The following NRG3 variants were observed in gnomAD, a reference collection of about 807,000 sequenced individuals.
NRG3 encodes the protein pro-neuregulin-3, membrane-bound isoform.
In NRG3, 31 loss-of-function variants were observed where a neutral mutation model predicts 66.9. The observed-to-expected ratio is 0.46, with a 90% confidence interval of 0.35 to 0.63. The LOEUF is 0.63. NRG3 is among the 20% of genes least tolerant of loss of function. The pLI is 0.00. For missense variants in NRG3, 910 were observed against 878.9 expected, an observed-to-expected ratio of 1.04 and a Z score of -0.45; for synonymous variants, 393 against 359.4, an observed-to-expected ratio of 1.09 and a Z score of -1.06.
intron 1 of NRG3, among the ~76,000 whole-genome samples, chr10:81,946,310 A>G (rs1447019779): frequency 1.3e-5 from 2 of 152,146 alleles, no homozygotes; most frequent in Admixed American, 6.5e-5. Flanking sequence ...CGCCCAGCCA[A>G]TACCTTGATC....
intron 1 of NRG3, among the ~76,000 whole-genome samples, chr10:82,286,459 C>T (rs971435416): frequency 1.3e-5 from 2 of 152,206 alleles, no homozygotes; most frequent in Admixed American, 6.5e-5. Context: ...GAGGAAAATT[C>T]ACACAGATAA....
intron 1 of NRG3, among the ~76,000 whole-genome samples, chr10:81,951,482 A>G (rs1023604792): frequency 3.3e-5 from 5 of 152,160 alleles, no homozygotes; most frequent in South Asian, 2.1e-4. Context: ...GCTTATACAC[A>G]CACACAGAAT....
At chr10:81,877,586 A>G in intron 1 of NRG3, 1 of 711,630 alleles carries the variant, frequency 1.4e-6, no homozygotes, top group South Asian at 5.2e-5. Flanking sequence ...TTTTTAAAGA[A>G]TGTAGTGTAT....
At chr10:82,787,036 A>G (rs2060396882) in intron 3 of NRG3, among the ~76,000 whole-genome samples, 1 of 152,148 alleles carries the variant, frequency 6.6e-6, no homozygotes, top group Non-Finnish European at 1.5e-5. Context: ...CCCAGTCTCA[A>G]ATTTTCTGTT....
chr10:82,278,817 G>A (rs1241331273), intron 1 of NRG3, among the ~76,000 whole-genome samples: 2 of 152,024 alleles, frequency 1.3e-5, no homozygotes, highest in Admixed American at 1.3e-4. Flanking sequence ...ATTAGAAGTC[G>A]TGGCCACCTC....
chr10:82,717,840 T>C (rs111751839), intron 2 of NRG3, among the ~76,000 whole-genome samples: 14 of 151,068 alleles, frequency 9.3e-5, no homozygotes, highest in Non-Finnish European at 1.5e-5. Flanking sequence ...TGTATGGTTC[T>C]ATTGAAAAGT....
In NRG3 at chr10:82,082,947, CT is replaced by C. The variant is rs201537113; in HGVS notation, c.823+206795del. On this transcript the variant is annotated intron_variant, in intron 1 of 8. Coordinates refer to ENST00000372141, the MANE Select transcript of NRG3 (RefSeq NM_001010848.4). ...TGATTACTTTATTGATTATGACATT[CT>C]TTTTTTTTTTCAGACGGGGTCTTGC... Among the ~76,000 whole-genome samples the C allele has an allele frequency of 1.8e-3, 259 of 146,918 alleles. 1 individual carries two copies. Among genetic ancestry groups the C allele is most frequent in the African/African-American group, 5.2e-3 (211 of 40,276 alleles).
chr10:82,960,380 T>G (rs1400725787), intron 6 of NRG3, among the ~76,000 whole-genome samples: 4 of 152,112 alleles, frequency 2.6e-5, no homozygotes, highest in African/African-American at 9.7e-5. Flanking sequence ...CAGACACTAG[T>G]TAAAGTGATG....
intron 3 of NRG3, among the ~76,000 whole-genome samples, chr10:82,802,842 G>A (rs1440094854): frequency 1.3e-5 from 2 of 151,832 alleles, no homozygotes; most frequent in African/African-American, 4.8e-5. Flanking sequence ...GATTATTTTT[G>A]TTTTGTTTTT....
chr10:81,918,398 A>G (rs1003229061), intron 1 of NRG3, among the ~76,000 whole-genome samples: 1 of 152,208 alleles, frequency 6.6e-6, no homozygotes, highest in Non-Finnish European at 1.5e-5. Flanking sequence ...TGGGCAGAGT[A>G]AACACAAGTA....
chr10:82,571,335 G>A (rs759987484), intron 2 of NRG3, among the ~76,000 whole-genome samples: 19 of 151,418 alleles, frequency 1.3e-4, no homozygotes, highest in Non-Finnish European at 2.1e-4. Flanking sequence ...GTTTTCCCTC[G>A]CATTTAAAGA....
chr10:82,788,708 A>G (rs1020477502), intron 3 of NRG3, among the ~76,000 whole-genome samples: 13 of 152,202 alleles, frequency 8.5e-5, no homozygotes, highest in Non-Finnish European at 1.3e-4. Flanking sequence ...TATTTTATTT[A>G]ACCCTCACTG....
intron 3 of NRG3, among the ~76,000 whole-genome samples, chr10:82,752,832 C>G (rs2058927029): frequency 6.6e-6 from 1 of 152,146 alleles, no homozygotes. Context: ...GCACTTTGAT[C>G]TTGGACTTCC....
At chr10:82,690,829 GT>G (rs1397805800) in intron 2 of NRG3, among the ~76,000 whole-genome samples, 4 of 151,906 alleles carry the variant, frequency 2.6e-5, no homozygotes, top group Non-Finnish European at 5.9e-5. Context: ...GTTTCTATTG[GT>G]TTCTTCAGTT....
chr10:82,223,684 T>C lies in NRG3; in HGVS notation c.824-135055T>C, dbSNP rs1414768. Among the ~76,000 whole-genome samples, 497 of 82,876 alleles carry C rather than the reference T, an allele frequency of 6.0e-3. 1 individual carries two copies. Among genetic ancestry groups the C allele is most frequent in the South Asian group, 0.015 (32 of 2,106 alleles). The allele number at this position is 82,876 out of a possible 152,430, so 54.4% of individuals were successfully genotyped here. A position where few individuals can be genotyped will look rare whatever the true frequency, so the allele number is the denominator to read the frequency against. On this transcript the variant is annotated intron_variant, in intron 1 of 8. Transcript: ENST00000372141. ...ACACACACACACACACACACACACATACACACCACCCACGTTCTTCTGGAT... is the reference window on the plus strand; with the variant it reads ...ACACACACACACACACACACACACACACACACCACCCACGTTCTTCTGGAT...
At chr10:81,941,101 C>T (rs754219161) in intron 1 of NRG3, among the ~76,000 whole-genome samples, 6 of 152,054 alleles carry the variant, frequency 3.9e-5, no homozygotes, top group Non-Finnish European at 7.4e-5. Context: ...ATATACAATG[C>T]CAAATTACTT....
chr10:82,187,646 C>CT, intron 1 of NRG3, among the ~76,000 whole-genome samples: 1 of 151,974 alleles, frequency 6.6e-6, no homozygotes, highest in East Asian at 1.9e-4. Flanking sequence ...TGGTTTGCTC[C>CT]TTTGTTGATT....
At chr10:82,448,558 A>G (rs2136539577) in intron 2 of NRG3, among the ~76,000 whole-genome samples, 1 of 152,316 alleles carries the variant, frequency 6.6e-6, no homozygotes, top group Middle Eastern at 3.4e-3. Flanking sequence ...GAACATAAAC[A>G]TAGGGATATC....
At chr10:82,300,002 A>T (rs1456980930) in intron 1 of NRG3, among the ~76,000 whole-genome samples, 1 of 152,170 alleles carries the variant, frequency 6.6e-6, no homozygotes, top group Non-Finnish European at 1.5e-5. Flanking sequence ...GGCTCAGAAA[A>T]AAATGACAGG....
Sources: gnomAD v4.1 joint callset for allele counts (sites outside exome capture counted in the v4.1 genomes callset) on GRCh38, gnomAD v4.1.1 for gene constraint, MANE v1.5 for transcripts, NCBI Gene and HGNC (gene_info 2026-07-23, HGNC 2026-07-21) for gene names.